Variants in ADGRL3 observed in about 807,000 individuals in gnomAD.
ADGRL3 encodes calcium-independent alpha-latrotoxin receptor 3.
In ADGRL3, 62 loss-of-function variants were observed where a neutral mutation model predicts 153.5. That is an observed-to-expected ratio of 0.40 (90% confidence interval 0.33 to 0.50). ADGRL3 has a LOEUF of 0.50. ADGRL3 is among the 20% of genes least tolerant of loss of function. The probability of loss-of-function intolerance (pLI) is 0.47; values close to 1 mark genes in which losing one functional copy is unlikely to be tolerated. For missense variants in ADGRL3, 1,641 were observed against 1,859.4 expected, an observed-to-expected ratio of 0.88 and a Z score of 2.16; for synonymous variants, 710 against 672.5, an observed-to-expected ratio of 1.06 and a Z score of -0.86.
chr4:62,068,432 T>C (rs1744136700), intron 26 of ADGRL3, among the ~76,000 whole-genome samples: 1 of 152,216 alleles, frequency 6.6e-6, no homozygotes, highest in African/African-American at 2.4e-5. Context: ...AGTTAAATTG[T>C]TTTTAAATTA....
At chr4:61,251,754 G>T in intron 1 of ADGRL3, among the ~76,000 whole-genome samples, 1 of 149,082 alleles carries the variant, frequency 6.7e-6, no homozygotes, top group South Asian at 2.1e-4. Context: ...CTTAATCTTG[G>T]ATCTTCACAC....
At chr4:62,023,031 TAAATTGA>T (rs61315607) in intron 21 of ADGRL3, among the ~76,000 whole-genome samples, 133,147 of 151,378 alleles carry the variant, frequency 0.88, 59,446 homozygotes, top group Non-Finnish European at 0.95. Context: ...CTGGACAAAC[TAAATTGA>T]AAATTGAAAA....
At chr4:61,677,718 T>C (rs1246690855) in intron 6 of ADGRL3, among the ~76,000 whole-genome samples, 1 of 152,006 alleles carries the variant, frequency 6.6e-6, no homozygotes, top group Non-Finnish European at 1.5e-5. Context: ...AGAAAACACC[T>C]GGGATCATAA....
chr4:61,650,376 A>T (rs2150371396), intron 5 of ADGRL3, among the ~76,000 whole-genome samples: 1 of 152,322 alleles, frequency 6.6e-6, no homozygotes, highest in African/African-American at 2.4e-5. Context: ...AGAAGCAATG[A>T]GTAAAAGCAT....
At chr4:61,545,807 G>A (rs1297550908) in intron 4 of ADGRL3, among the ~76,000 whole-genome samples, 1 of 152,258 alleles carries the variant, frequency 6.6e-6, no homozygotes, top group South Asian at 2.1e-4. Context: ...AAGCTACCGC[G>A]CGGGGCCTCT....
chr4:62,000,710 A>G (rs577679930), intron 21 of ADGRL3, among the ~76,000 whole-genome samples: 92 of 152,218 alleles, frequency 6.0e-4, no homozygotes, highest in African/African-American at 2.0e-3. Context: ...AAATTTAGTA[A>G]ATGAAGAAGA....
intron 10 of ADGRL3, among the ~76,000 whole-genome samples, chr4:61,895,391 G>C (rs910422894): frequency 6.6e-6 from 1 of 151,886 alleles, no homozygotes; most frequent in African/African-American, 2.4e-5. Flanking sequence ...ACTTGAACCC[G>C]GGAGGCAGAG....
chr4:61,970,345 A>G (rs1276789760), intron 17 of ADGRL3, among the ~76,000 whole-genome samples: 5 of 152,138 alleles, frequency 3.3e-5, no homozygotes, highest in Non-Finnish European at 7.4e-5. Flanking sequence ...TTCTCATCCC[A>G]GACACTCTTA....
At chr4:61,799,885 TATCCTCACCACA>T (rs1478233768) in intron 8 of ADGRL3, among the ~76,000 whole-genome samples, 1 of 151,940 alleles carries the variant, frequency 6.6e-6, no homozygotes, top group Admixed American at 6.6e-5. Flanking sequence ...AAAAAAAAAA[TATCCTCACCACA>T]ATCCTATGAA....
chr4:61,746,733 T>G (rs575537417), intron 8 of ADGRL3, among the ~76,000 whole-genome samples: 5 of 152,268 alleles, frequency 3.3e-5, no homozygotes, highest in African/African-American at 1.2e-4. Context: ...TTTATAGCAC[T>G]AAATGTCCAC....
chr4:61,603,906 T>C (rs757892961), intron 5 of ADGRL3, among the ~76,000 whole-genome samples: 12 of 152,126 alleles, frequency 7.9e-5, no homozygotes, highest in Non-Finnish European at 1.6e-4. Flanking sequence ...CATATGGTGG[T>C]CCTTCAATTC....
intron 21 of ADGRL3, among the ~76,000 whole-genome samples, chr4:61,998,765 C>T (rs1049834307): frequency 2.0e-5 from 3 of 151,906 alleles, no homozygotes; most frequent in South Asian, 2.1e-4. Flanking sequence ...TTAATAGAGA[C>T]GGGGTTTCAC....
intron 17 of ADGRL3, among the ~76,000 whole-genome samples, chr4:61,961,517 C>T (rs1173967605): frequency 2.0e-5 from 3 of 152,128 alleles, no homozygotes; most frequent in Non-Finnish European, 4.4e-5. Context: ...ACTGCTTTCT[C>T]CCATCTACAG....
chr4:61,248,180 T>A (rs1195999485), intron 1 of ADGRL3, among the ~76,000 whole-genome samples: 1 of 152,066 alleles, frequency 6.6e-6, no homozygotes, highest in Non-Finnish European at 1.5e-5. Context: ...GATCAAGTGC[T>A]GCTGTAGAGT....
chr4:61,514,497 A>T (rs1195781455), intron 3 of ADGRL3, among the ~76,000 whole-genome samples: 1 of 152,194 alleles, frequency 6.6e-6, no homozygotes, highest in Non-Finnish European at 1.5e-5. Context: ...CAATATCTTG[A>T]GTATAGTACA....
At chr4:61,843,622 G>A (rs10004644) in intron 9 of ADGRL3, among the ~76,000 whole-genome samples, 4 of 151,784 alleles carry the variant, frequency 2.6e-5, no homozygotes, top group Non-Finnish European at 4.4e-5. Flanking sequence ...CCTCGAAAGA[G>A]AAAAAAAATT....
intron 8 of ADGRL3, among the ~76,000 whole-genome samples, chr4:61,744,995 A>T (rs538641915): frequency 2.0e-5 from 3 of 152,338 alleles, no homozygotes; most frequent in African/African-American, 7.2e-5. Context: ...TATAACTAGA[A>T]TAACCAACAC....
chr4:61,799,876 A>C (rs1473857457), intron 8 of ADGRL3, among the ~76,000 whole-genome samples: 1 of 145,568 alleles, frequency 6.9e-6, no homozygotes, highest in African/African-American at 2.7e-5. Context: ...TATATGATTA[A>C]AAAAAAAATA....
chr4:61,750,331 C>T (rs2096738172), intron 8 of ADGRL3, among the ~76,000 whole-genome samples: 1 of 152,084 alleles, frequency 6.6e-6, no homozygotes, highest in Non-Finnish European at 1.5e-5. Context: ...AATTGAGCAT[C>T]AGGGAGTTTT....
Sources: allele counts gnomAD v4.1 joint callset (sites outside exome capture counted in the v4.1 genomes callset), GRCh38; gene constraint gnomAD v4.1.1; transcripts MANE v1.5; gene names NCBI Gene and HGNC (gene_info 2026-07-23, HGNC 2026-07-21).